The following NRG3 variants were observed in gnomAD, a reference collection of about 807,000 sequenced individuals.
NRG3 encodes neuregulin 3.
NRG3 carries 31 observed loss-of-function variants against 66.9 expected under a neutral mutation model. The ratio of observed to expected loss-of-function variants is 0.46; its 90% CI spans 0.35 to 0.63. The LOEUF is 0.63. NRG3 is among the 20% of genes least tolerant of loss of function. NRG3 has a pLI of 0.00. For missense variants in NRG3, 910 were observed against 878.9 expected (o/e 1.04, Z -0.45); for synonymous variants, 393 against 359.4 (o/e 1.09, Z -1.06).
chr10:82,513,028 T>C (rs1334046682), intron 2 of NRG3, among the ~76,000 whole-genome samples: 1 of 152,172 alleles, frequency 6.6e-6, no homozygotes, highest in South Asian at 2.1e-4. Context: ...TGTGCCATGG[T>C]GGTTTGCTGC....
At chr10:82,537,550 A>G (rs959551847) in intron 2 of NRG3, among the ~76,000 whole-genome samples, 5 of 152,170 alleles carry the variant, frequency 3.3e-5, no homozygotes, top group African/African-American at 1.2e-4. Flanking sequence ...ATGACTTTAC[A>G]CCTAAGGGTG....
At chr10:81,889,510 A>T (rs541239167) in intron 1 of NRG3, 24 of 152,240 alleles carry the variant, frequency 1.6e-4, no homozygotes, top group African/African-American at 5.8e-4. Flanking sequence ...CTAAAGAAGA[A>T]CCTTCAGATA....
rs1362076036 is a variant in NRG3 at position 82,061,388 on chromosome 10, T to G, written c.823+185225T>G. On this transcript the variant is annotated intron_variant, in intron 1 of 8. Transcript: ENST00000372141. ...AAACAAAACAGAAAAACAATAATTT[T>G]AAAACAGGTAGGGTGACCCCCATTT... Among the ~76,000 whole-genome samples the G allele has an allele frequency of 2.6e-5, 4 of 152,046 alleles. No homozygotes were observed. In the South Asian group the frequency reaches 6.2e-4, roughly 24 times the overall value.
intron 1 of NRG3, among the ~76,000 whole-genome samples, chr10:82,316,511 C>T (rs974215970): frequency 2.0e-5 from 3 of 152,080 alleles, no homozygotes; most frequent in Admixed American, 1.3e-4. Context: ...TTTTTGCCTA[C>T]GGACCCTTTT....
At chr10:82,263,570 C>G (rs141898758) in intron 1 of NRG3, among the ~76,000 whole-genome samples, 98 of 152,200 alleles carry the variant, frequency 6.4e-4, no homozygotes, top group African/African-American at 2.3e-3. Context: ...TCTGACTACT[C>G]AAGAATAACC....
chr10:82,217,215 T>C (rs2075732756), intron 1 of NRG3, among the ~76,000 whole-genome samples: 1 of 152,230 alleles, frequency 6.6e-6, no homozygotes, highest in African/African-American at 2.4e-5. Flanking sequence ...CCTGTGGGGC[T>C]GGCCATATTT....
intron 1 of NRG3, among the ~76,000 whole-genome samples, chr10:81,888,951 G>A (rs940169908): frequency 1.1e-4 from 17 of 152,166 alleles, no homozygotes; most frequent in African/African-American, 3.9e-4. Context: ...ATTTGTGCTG[G>A]ATATATTTAA....
intron 1 of NRG3, among the ~76,000 whole-genome samples, chr10:82,100,603 G>A (rs1461392356): frequency 6.6e-6 from 1 of 151,958 alleles, no homozygotes; most frequent in Non-Finnish European, 1.5e-5. Context: ...TGTCAAATCT[G>A]TCAGTTTTTT....
chr10:82,885,926 C>T (rs1842683617), intron 4 of NRG3, among the ~76,000 whole-genome samples: 1 of 151,784 alleles, frequency 6.6e-6, no homozygotes, highest in Non-Finnish European at 1.5e-5. Context: ...GGCTGGAGTG[C>T]AAGGGTCCGA....
chr10:82,444,249 C>T lies in NRG3; in HGVS notation c.953+85381C>T, dbSNP rs141768103. 5.2e-3 allele frequency among the ~76,000 whole-genome samples: 798 copies of T among 152,162 alleles called. 6 individuals are homozygous for T. The highest frequency in any genetic ancestry group is 0.019 in the African/African-American group (775 of 41,526). On this transcript the variant is annotated intron_variant, in intron 2 of 8. Transcript: ENST00000372141. ...TCCTGAGTAGCAGGGATTACAGGTT[C>T]GTGCCACCACGTCCAGCTAATTTTT... is the stretch of plus-strand genomic sequence containing the variant.
chr10:81,930,025 C>T (rs1052851539), intron 1 of NRG3, among the ~76,000 whole-genome samples: 1 of 152,174 alleles, frequency 6.6e-6, no homozygotes, highest in Non-Finnish European at 1.5e-5. Flanking sequence ...GCTCCTGCTT[C>T]CAGCCTCAAT....
At chr10:82,843,749 TA>T (rs982141824) in intron 3 of NRG3, among the ~76,000 whole-genome samples, 3 of 151,966 alleles carry the variant, frequency 2.0e-5, no homozygotes, top group Admixed American at 2.0e-4. Flanking sequence ...CAAATGCATT[TA>T]AAAAAATTGG....
intron 1 of NRG3, among the ~76,000 whole-genome samples, chr10:81,936,520 G>A (rs1323681727): frequency 2.6e-5 from 4 of 151,638 alleles, no homozygotes; most frequent in African/African-American, 9.8e-5. Context: ...GAAGTAGACA[G>A]TGTAAGTGAG....
intron 2 of NRG3, among the ~76,000 whole-genome samples, chr10:82,513,715 G>A (rs10884890): frequency 0.056 from 8,482 of 152,270 alleles, 517 homozygotes; most frequent in East Asian, 0.17. Flanking sequence ...AGAAGGTGGA[G>A]GTTGCAGTGG....
chr10:82,728,481 G>A lies in NRG3; in HGVS notation c.954-10096G>A, dbSNP rs2057729707. Among the ~76,000 whole-genome samples the A allele has an allele frequency of 2.6e-5, 4 of 152,298 alleles. No homozygotes were observed. The South Asian group carries it at 6.2e-4, about 24-fold the overall frequency. ...TCTCTTTTTACCTGCTACCATCCAT[G>A]TAAGATGCGACTTGTTCCTCCTTGC... On this transcript the variant is annotated intron_variant, in intron 2 of 8. Transcript: ENST00000372141.
intron 6 of NRG3, among the ~76,000 whole-genome samples, chr10:82,969,558 C>T (rs528192066): frequency 5.3e-5 from 8 of 152,188 alleles, no homozygotes; most frequent in Non-Finnish European, 1.2e-4. Context: ...ACTGACCAGC[C>T]TTTATAGGTC....
At chr10:82,875,720 C>T (rs569414707) in intron 4 of NRG3, among the ~76,000 whole-genome samples, 5 of 152,140 alleles carry the variant, frequency 3.3e-5, no homozygotes, top group East Asian at 3.9e-4. Flanking sequence ...TCAGTACATG[C>T]GCTGTTAATC....
At chr10:82,831,821 T>C (rs1049238914) in intron 3 of NRG3, among the ~76,000 whole-genome samples, 1 of 152,022 alleles carries the variant, frequency 6.6e-6, no homozygotes, top group Non-Finnish European at 1.5e-5. Context: ...AAAAAAGTTA[T>C]TTGCTCTAGG....
intron 1 of NRG3, among the ~76,000 whole-genome samples, chr10:82,108,378 A>G (rs966457436): frequency 7.2e-5 from 11 of 152,126 alleles, no homozygotes; most frequent in Admixed American, 2.0e-4. Context: ...AAGACCTCCA[A>G]TGTCCTAGAT....
Sources: allele counts gnomAD v4.1 joint callset (sites outside exome capture counted in the v4.1 genomes callset), GRCh38; gene constraint gnomAD v4.1.1; transcripts MANE v1.5; gene names NCBI Gene and HGNC (gene_info 2026-07-23, HGNC 2026-07-21).